Variants in RSPO3 observed in about 807,000 individuals in gnomAD.
RSPO3 encodes R-spondin 3.
RSPO3 carries 17 observed loss-of-function variants against 36.5 expected under a neutral mutation model. The observed-to-expected ratio is 0.47, with a 90% CI of 0.32 to 0.70. The LOEUF (loss-of-function observed/expected upper bound fraction) is 0.70. RSPO3 is among the 30% of genes least tolerant of loss of function. RSPO3 has a pLI of 0.04. For synonymous variants in RSPO3, 108 were observed against 107.0 expected (o/e 1.01, Z -0.06); for missense variants, 294 against 322.5 (o/e 0.91, Z 0.68).
chr6:127,170,147 T>A (rs1167135680), intron 4 of RSPO3, among the ~76,000 whole-genome samples: 3 of 151,812 alleles, frequency 2.0e-5, no homozygotes, highest in Non-Finnish European at 2.9e-5. Context: ...AGTGGGCATT[T>A]GACTGGGTCT....
intron 4 of RSPO3, among the ~76,000 whole-genome samples, chr6:127,157,826 T>G (rs1774624984): frequency 6.6e-6 from 1 of 151,834 alleles, no homozygotes; most frequent in Non-Finnish European, 1.5e-5. Flanking sequence ...ATCATTTCTC[T>G]CTTTGTTATT....
At chr6:127,155,486 T>A in intron 4 of RSPO3, 48 bp downstream of exon 4, 1 of 1,536,606 alleles carries the variant, frequency 6.5e-7, no homozygotes, top group Non-Finnish European at 8.9e-7. Context: ...TCATAATCTG[T>A]TGCATTTTTC....
chr6:127,122,950 A>G (rs148036154), intron 1 of RSPO3, among the ~76,000 whole-genome samples: 115 of 152,164 alleles, frequency 7.6e-4, no homozygotes, highest in Non-Finnish European at 1.4e-3. Context: ...AATTGTTCAG[A>G]CTCTAGATAA....
intron 1 of RSPO3, among the ~76,000 whole-genome samples, chr6:127,142,782 T>G (rs1212706954): frequency 6.6e-6 from 1 of 152,076 alleles, no homozygotes; most frequent in Non-Finnish European, 1.5e-5. Flanking sequence ...ATTCTTTCTT[T>G]CTGGTTGTTT....
intron 1 of RSPO3, among the ~76,000 whole-genome samples, chr6:127,145,841 C>A (rs1299497508): frequency 6.6e-6 from 1 of 152,084 alleles, no homozygotes; most frequent in Non-Finnish European, 1.5e-5. Context: ...AAGTAAAATT[C>A]TATTTTCTGT....
At chr6:127,155,128 C>A in intron 3 of RSPO3, 113 bp from the exon 4 acceptor site, 2 of 995,994 alleles carry the variant, frequency 2.0e-6, no homozygotes, top group South Asian at 1.5e-5. Context: ...CTTTGATCTG[C>A]AAGATTCTTC....
intron 3 of RSPO3, among the ~76,000 whole-genome samples, chr6:127,151,038 T>C (rs1774481695): frequency 2.6e-5 from 4 of 151,874 alleles, no homozygotes; most frequent in Admixed American, 6.6e-5. Context: ...ACCAAAGTTA[T>C]TTTCCAAGGT....
chr6:127,183,399 T>C (rs1331362190), intron 4 of RSPO3, among the ~76,000 whole-genome samples: 1 of 151,928 alleles, frequency 6.6e-6, no homozygotes, highest in African/African-American at 2.4e-5. Context: ...TTGAAGCTGA[T>C]ATTGGAACAG....
intron 1 of RSPO3, among the ~76,000 whole-genome samples, chr6:127,129,717 TTA>T (rs1300318635): frequency 6.6e-6 from 1 of 152,114 alleles, no homozygotes; most frequent in Non-Finnish European, 1.5e-5. Context: ...TATGTGCAGT[TTA>T]TGTCACTATC....
At chr6:127,132,159 A>G (rs1774071366) in intron 1 of RSPO3, among the ~76,000 whole-genome samples, 1 of 152,040 alleles carries the variant, frequency 6.6e-6, no homozygotes, top group African/African-American at 2.4e-5. Context: ...TGCAGGATTC[A>G]TTCTGACAAA....
At chr6:127,172,672 G>A (rs963304292) in intron 4 of RSPO3, among the ~76,000 whole-genome samples, 2 of 151,594 alleles carry the variant, frequency 1.3e-5, no homozygotes, top group African/African-American at 2.4e-5. Flanking sequence ...CTTTCTGATT[G>A]GACTGTGATT....
At chr6:127,151,057 A>G (rs1252926085) in intron 3 of RSPO3, among the ~76,000 whole-genome samples, 1 of 151,912 alleles carries the variant, frequency 6.6e-6, no homozygotes, top group Non-Finnish European at 1.5e-5. Flanking sequence ...GTGGGAACAT[A>G]TATTCTCTTG....
At chr6:127,189,516 C>A (rs1027136838) in intron 4 of RSPO3, among the ~76,000 whole-genome samples, 8 of 152,046 alleles carry the variant, frequency 5.3e-5, no homozygotes, top group African/African-American at 1.9e-4. Flanking sequence ...GCTTTCATTT[C>A]CTAAAGTTTA....
chr6:127,123,256 A>G (rs748885173), intron 1 of RSPO3, among the ~76,000 whole-genome samples: 1 of 152,154 alleles, frequency 6.6e-6, no homozygotes, highest in Non-Finnish European at 1.5e-5. Context: ...CTTTAATTCT[A>G]CTATACATTT....
At chr6:127,172,647 A>G (rs1176227676) in intron 4 of RSPO3, among the ~76,000 whole-genome samples, 1 of 151,868 alleles carries the variant, frequency 6.6e-6, no homozygotes, top group Non-Finnish European at 1.5e-5. Flanking sequence ...TACCATAACC[A>G]TATTAACATA....
At position 127,195,854 on chromosome 6, in the gene RSPO3, A is replaced by T; in HGVS notation, c.666A>T (p.Lys222Asn). 1 of 1,582,108 alleles carries T rather than the reference A, an allele frequency of 6.3e-7. No homozygotes were observed. Among genetic ancestry groups the T allele is most frequent in the Non-Finnish European group, 8.6e-7 (1 of 1,164,980 alleles). ...GKKGRERKRK[K>N]PNKGESKEAI... is the part of the protein sequence containing the mutation. ...AAGGAAGGGAGAGGAAAAGAAAAAA[A>T]CCTAATAAAGGAGAAAGTAAAGAAG... is the stretch of plus-strand genomic sequence containing the variant. Residue 222 changes from lysine to asparagine, a missense_variant, in exon 5 of 5, where the codon AAA becomes AAT. By Grantham distance (94) the Lys-to-Asn change is moderately conservative (BLOSUM62 0). Around this residue, in one of 3 missense-constraint regions of RSPO3, gnomAD observed 190 missense variants for 185.2 expected, o/e 1.03. Coordinates refer to ENST00000356698, the MANE Select transcript of RSPO3 (RefSeq NM_032784.5).
chr6:127,167,350 C>A (rs1774842200), intron 4 of RSPO3, among the ~76,000 whole-genome samples: 1 of 151,926 alleles, frequency 6.6e-6, no homozygotes, highest in African/African-American at 2.4e-5. Context: ...TCGTTCAGCT[C>A]CCATTTGTGA....
intron 4 of RSPO3, among the ~76,000 whole-genome samples, chr6:127,178,638 G>A (rs1457787646): frequency 6.6e-6 from 1 of 151,634 alleles, no homozygotes; most frequent in Non-Finnish European, 1.5e-5. Flanking sequence ...ATAAAAATAT[G>A]TGTATATAAA....
chr6:127,129,698 C>T (rs1774012099), intron 1 of RSPO3, among the ~76,000 whole-genome samples: 1 of 151,988 alleles, frequency 6.6e-6, no homozygotes, highest in African/African-American at 2.4e-5. Context: ...GATGGAAATA[C>T]GTCATCAGTA....
Sources: allele counts gnomAD v4.1 joint callset (sites outside exome capture counted in the v4.1 genomes callset), GRCh38; gene constraint gnomAD v4.1.1; regional missense constraint gnomAD v4.1.1; transcripts MANE v1.5; gene names NCBI Gene and HGNC (gene_info 2026-07-23, HGNC 2026-07-21).